Variants in CRHR2 observed in about 807,000 individuals in gnomAD.
The protein encoded by CRHR2 is corticotropin-releasing hormone receptor 2.
In CRHR2, 53 loss-of-function variants were observed where a neutral mutation model predicts 57.9. The ratio of observed to expected loss-of-function variants is 0.92; its 90% CI spans 0.73 to 1.15. The LOEUF (loss-of-function observed/expected upper bound fraction) is 1.15. Among genes scored for constraint, CRHR2 ranks in the 50% most tolerant of loss-of-function variants. The pLI is 0.00. For synonymous variants in CRHR2, 213 were observed against 220.9 expected, an observed-to-expected ratio of 0.96 and a Z score of 0.32; for missense variants, 532 against 542.6, an observed-to-expected ratio of 0.98 and a Z score of 0.19.
intron 7 of CRHR2, 92 bp downstream of exon 7, chr7:30,662,064 T>C (rs1382496423): frequency 3.6e-6 from 5 of 1,379,306 alleles, no homozygotes; most frequent in Admixed American, 1.8e-5. Flanking sequence ...CTACAATTCC[T>C]GCTCCACGGC....
chr7:30,682,353 G>C lies in CRHR2; in HGVS notation c.-73C>G. The stretch of plus-strand genomic sequence containing the variant: ...CGTGACTGCGAGGGAGTGGACGCGA[G>C]AGTGAGCGGCCGAGAGGGCGCGGGG... On this transcript the variant is annotated 5_prime_UTR_variant, in exon 1 of 12. Coordinates refer to ENST00000471646, the MANE Select transcript of CRHR2 (RefSeq NM_001883.5). 1 of 1,438,948 alleles carries C rather than the reference G, an allele frequency of 6.9e-7. No homozygotes were observed. The highest frequency in any genetic ancestry group is 9.1e-7 in the Non-Finnish European group (1 of 1,097,524). The allele number at this position is 1,438,948 out of a possible 1,614,324, so 89.1% of individuals were successfully genotyped here.
At position 30,665,635 on chromosome 7, in the gene CRHR2, C is replaced by T. The variant is rs961256372; in HGVS notation, c.320G>A (p.Arg107Lys). ...GATGCGGTAGTGCAGGTCATACTTC[C>T]TCTGCTGGACAGACAGACATGGGCA... ...QCEPILDDKQ[R>K]KYDLHYRIAL... Residue 107 changes from arginine (R) to lysine (K), a missense_variant, in exon 4 of 12, where the codon AGG becomes AAG. Coordinates refer to ENST00000471646, the MANE Select transcript of CRHR2 (RefSeq NM_001883.5). The surrounding 1 kb of genome is among the most constrained non-coding windows in gnomAD (Gnocchi z 4.5). The T allele has an allele frequency of 4.5e-6, 7 of 1,555,772 alleles. No homozygotes were observed. Among genetic ancestry groups the T allele is most frequent in the Admixed American group, 3.9e-5 (2 of 51,770 alleles).
At chr7:30,697,623 G>C (rs1047381859) in intron 1 of CRHR2, among the ~76,000 whole-genome samples, 2 of 152,098 alleles carry the variant, frequency 1.3e-5, no homozygotes, top group African/African-American at 4.8e-5. Flanking sequence ...AAAAGCACCA[G>C]CTGGAACCCT....
chr7:30,667,024 AG>A (rs1241337997), intron 3 of CRHR2, among the ~76,000 whole-genome samples: 1 of 152,204 alleles, frequency 6.6e-6, no homozygotes, highest in African/African-American at 2.4e-5. Flanking sequence ...GCTCTCTTGA[AG>A]GTAGGACTCC....
intron 10 of CRHR2, 53 bp downstream of exon 10, chr7:30,655,527 G>C: frequency 6.4e-7 from 1 of 1,572,488 alleles, no homozygotes; most frequent in Non-Finnish European, 8.6e-7. Flanking sequence ...ATGGCTGCCA[G>C]AGCAGCCTCA....
At chr7:30,682,483 G>A, upstream of CRHR2, 1 of 1,322,780 alleles carries the variant, frequency 7.6e-7, no homozygotes, top group South Asian at 2.0e-5. Context: ...AGGAGCCGCC[G>A]AGTGCACGGA....
chr7:30,694,229 T>TC (rs542761349), intron 1 of CRHR2, among the ~76,000 whole-genome samples: 5 of 152,206 alleles, frequency 3.3e-5, no homozygotes, highest in Non-Finnish European at 5.9e-5. Context: ...TATTTCCTTC[T>TC]CTCTGAACTT....
chr7:30,693,366 T>A (rs1220586814), intron 1 of CRHR2, among the ~76,000 whole-genome samples: 3 of 152,108 alleles, frequency 2.0e-5, no homozygotes, highest in African/African-American at 7.2e-5. Flanking sequence ...TGGGTTAATA[T>A]GCCTCTGTAA....
chr7:30,662,150 A>G lies in CRHR2; in HGVS notation c.758+6T>C. On this transcript the variant is annotated splice_donor_region_variant and intron_variant, in intron 7 of 11. Transcript: ENST00000471646. Reference sequence around the variant, plus strand: ...ATGACCCCCCATGGCTGGCCCATCCACTTACTGTTCATTCTCATAGTAGAG... The same window carrying G: ...ATGACCCCCCATGGCTGGCCCATCCGCTTACTGTTCATTCTCATAGTAGAG... The G allele has an allele frequency of 6.2e-7, 1 of 1,613,762 alleles. No individual in the cohort carries two copies. The highest frequency in any genetic ancestry group is 8.5e-7 in the Non-Finnish European group (1 of 1,179,876).
intron 2 of CRHR2, among the ~76,000 whole-genome samples, chr7:30,675,509 C>A (rs969277747): frequency 6.6e-6 from 1 of 152,268 alleles, no homozygotes; most frequent in Non-Finnish European, 1.5e-5. Flanking sequence ...CAAGCAGCCG[C>A]TGTCTCTAAA....
intron 2 of CRHR2, among the ~76,000 whole-genome samples, chr7:30,670,003 C>G (rs982923518): frequency 1.3e-5 from 2 of 152,158 alleles, no homozygotes; most frequent in African/African-American, 4.8e-5. Context: ...CCCCGACACC[C>G]TTAGGTCTGA....
At chr7:30,682,558 T>A, upstream of CRHR2, 1 of 1,197,344 alleles carries the variant, frequency 8.4e-7, no homozygotes, top group Non-Finnish European at 1.0e-6. Context: ...GGGCGGCTCC[T>A]CTCGGAGGGG....
intron 1 of CRHR2, among the ~76,000 whole-genome samples, chr7:30,691,116 A>G (rs917873870): frequency 6.6e-6 from 1 of 152,204 alleles, no homozygotes; most frequent in Non-Finnish European, 1.5e-5. Flanking sequence ...GGAACACTCC[A>G]GACACTGAGA....
At chr7:30,686,374 A>C (rs2128149959), upstream of CRHR2, 1 of 1,524,090 alleles carries the variant, frequency 6.6e-7, no homozygotes, top group Middle Eastern at 1.7e-4. Flanking sequence ...TGAGTCACTA[A>C]GAAAGGACAG....
At chr7:30,692,493 G>C (rs1784981762) in intron 1 of CRHR2, among the ~76,000 whole-genome samples, 3 of 152,178 alleles carry the variant, frequency 2.0e-5, no homozygotes, top group Admixed American at 1.3e-4. Flanking sequence ...CTGGACATTG[G>C]AGCGGAATCT....
chr7:30,682,369 G>T lies in CRHR2; in HGVS notation c.-89C>A. The T allele has an allele frequency of 7.1e-7, 1 of 1,414,686 alleles. No homozygotes were observed. The highest frequency in any genetic ancestry group is 1.5e-5 in the South Asian group (1 of 65,856). The allele number at this position is 1,414,686 out of a possible 1,614,324, so 87.6% of individuals were successfully genotyped here. On this transcript the variant is annotated 5_prime_UTR_variant, in exon 1 of 12. Transcript: ENST00000471646. ...TGGACGCGAGAGTGAGCGGCCGAGA[G>T]GGCGCGGGGTCCTGGCCCCCGCCAG...
upstream of CRHR2, among the ~76,000 whole-genome samples, chr7:30,684,682 G>T (rs1226744799): frequency 6.6e-6 from 1 of 152,194 alleles, no homozygotes; most frequent in Non-Finnish European, 1.5e-5. Flanking sequence ...CAGACCCGAG[G>T]TCCCCTGGAT....
chr7:30,666,178 C>G (rs916827000), intron 3 of CRHR2, among the ~76,000 whole-genome samples: 3 of 152,062 alleles, frequency 2.0e-5, no homozygotes, highest in African/African-American at 7.2e-5. Flanking sequence ...ATTTCTGGAC[C>G]TCAGTTTTGA....
In CRHR2 at chr7:30,653,098, G is replaced by A. The variant is rs765382142; in HGVS notation, c.*362C>T. Reference sequence around the variant, plus strand: ...CTGCTGGCTCCATGAGTAGGGCAGGGGAGCCCTGTGTCTGCTACTATAAAT... The same window carrying A: ...CTGCTGGCTCCATGAGTAGGGCAGGAGAGCCCTGTGTCTGCTACTATAAAT... On this transcript the variant is annotated 3_prime_UTR_variant, in exon 12 of 12. Coordinates refer to ENST00000471646, the MANE Select transcript of CRHR2 (RefSeq NM_001883.5). The surrounding 1 kb of genome is among the most constrained non-coding windows in gnomAD (Gnocchi z 5.0). 5 of 207,844 alleles carry A rather than the reference G, an allele frequency of 2.4e-5. No individual in the cohort carries two copies. Among genetic ancestry groups the A allele is most frequent in the South Asian group, 2.0e-4 (2 of 10,044 alleles). The allele number at this position is 207,844 out of a possible 1,614,324, so 12.9% of individuals were successfully genotyped here.
Sources: gnomAD v4.1 joint callset for allele counts (sites outside exome capture counted in the v4.1 genomes callset) on GRCh38, gnomAD v4.1.1 for gene constraint, Gnocchi (gnomAD v3.1) non-coding constraint, MANE v1.5 for transcripts, NCBI Gene and HGNC (gene_info 2026-07-23, HGNC 2026-07-21) for gene names.